RBMS3: variants seen among roughly 807,000 people sequenced by gnomAD.
RBMS3 encodes RNA-binding motif, single-stranded-interacting protein 3.
Under a neutral mutation model 66.8 loss-of-function variants are expected in RBMS3, and 27 were observed. The observed-to-expected ratio is 0.40, with a 90% CI of 0.30 to 0.56. RBMS3 has a LOEUF of 0.56. RBMS3 is among the 20% of genes least tolerant of loss of function. The pLI, the probability that RBMS3 is intolerant of heterozygous loss-of-function variation, is 0.40. For synonymous variants in RBMS3, 188 were observed against 183.0 expected (o/e 1.03, Z -0.22); for missense variants, 513 against 549.5 (o/e 0.93, Z 0.66).
At chr3:29,725,781 C>A (rs1352156509) in intron 4 of RBMS3, among the ~76,000 whole-genome samples, 1 of 152,154 alleles carries the variant, frequency 6.6e-6, no homozygotes, top group Non-Finnish European at 1.5e-5. Flanking sequence ...ACCAGATGTA[C>A]AAAGAAGAGC....
At chr3:29,444,522 A>G (rs2041745222) in intron 2 of RBMS3, among the ~76,000 whole-genome samples, 2 of 152,074 alleles carry the variant, frequency 1.3e-5, no homozygotes, top group African/African-American at 4.8e-5. Context: ...TCAGTATGGT[A>G]AAGGACAACC....
intron 1 of RBMS3, among the ~76,000 whole-genome samples, chr3:29,350,206 AAGTT>A (rs1402435111): frequency 7.9e-5 from 12 of 151,996 alleles, no homozygotes; most frequent in Non-Finnish European, 1.6e-4. Context: ...ACATTTTTGA[AAGTT>A]AGGGATTTTT....
intron 2 of RBMS3, among the ~76,000 whole-genome samples, chr3:29,455,522 T>C (rs2042156540): frequency 6.6e-6 from 1 of 152,068 alleles, no homozygotes; most frequent in Non-Finnish European, 1.5e-5. Flanking sequence ...AACTTTCTCA[T>C]CAACCAGTTA....
At chr3:29,668,908 G>A (rs942995663) in intron 4 of RBMS3, among the ~76,000 whole-genome samples, 1 of 152,190 alleles carries the variant, frequency 6.6e-6, no homozygotes, top group East Asian at 1.9e-4. Context: ...ATGTTGAAAG[G>A]TTAGATCCCT....
intron 6 of RBMS3, among the ~76,000 whole-genome samples, chr3:29,860,084 G>C (rs932480325): frequency 7.2e-5 from 11 of 152,184 alleles, no homozygotes; most frequent in African/African-American, 2.7e-4. Flanking sequence ...TTAAAGGCAT[G>C]GGTTCCAGCA....
intron 6 of RBMS3, among the ~76,000 whole-genome samples, chr3:29,796,278 T>C (rs1348168977): frequency 6.6e-6 from 1 of 152,180 alleles, no homozygotes; most frequent in Non-Finnish European, 1.5e-5. Context: ...GCTCCACTTC[T>C]AATTCTAGTT....
intron 6 of RBMS3, among the ~76,000 whole-genome samples, chr3:29,796,712 C>CTTTTT (rs71295051): frequency 0.022 from 2,540 of 115,184 alleles, 115 homozygotes; most frequent in East Asian, 0.11. Flanking sequence ...TGAAAGGAAT[C>CTTTTT]TTTTTTTTTT....
At chr3:29,514,745 G>A (rs2044554226) in intron 3 of RBMS3, among the ~76,000 whole-genome samples, 1 of 136,932 alleles carries the variant, frequency 7.3e-6, no homozygotes, top group Admixed American at 7.5e-5. Context: ...TATATGATAG[G>A]CATATATATA....
At chr3:29,935,455 T>C (rs1443244106) in intron 10 of RBMS3, among the ~76,000 whole-genome samples, 1 of 152,162 alleles carries the variant, frequency 6.6e-6, no homozygotes, top group African/African-American at 2.4e-5. Context: ...TAACAGAGTT[T>C]GGTATTCTGT....
intron 3 of RBMS3, among the ~76,000 whole-genome samples, chr3:29,555,687 T>G (rs2046334246): frequency 6.6e-6 from 1 of 152,164 alleles, no homozygotes; most frequent in Non-Finnish European, 1.5e-5. Flanking sequence ...TGTTGTGCAT[T>G]TTAACAGTGT....
At chr3:29,736,990 T>C (rs947885984) in intron 4 of RBMS3, among the ~76,000 whole-genome samples, 4 of 152,294 alleles carry the variant, frequency 2.6e-5, no homozygotes, top group Admixed American at 1.3e-4. Flanking sequence ...CAAAGTGTTT[T>C]TTTTTTGAGA....
intron 1 of RBMS3, among the ~76,000 whole-genome samples, chr3:29,351,886 C>T (rs1214440830): frequency 1.3e-5 from 2 of 151,880 alleles, no homozygotes; most frequent in East Asian, 1.9e-4. Flanking sequence ...TACACATGTA[C>T]GTGCTCATAC....
intron 6 of RBMS3, among the ~76,000 whole-genome samples, chr3:29,867,650 G>C (rs1469748177): frequency 6.6e-6 from 1 of 150,786 alleles, no homozygotes; most frequent in Admixed American, 6.6e-5. Flanking sequence ...CCCATTTCAA[G>C]CTCCTGGTCA....
intron 2 of RBMS3, among the ~76,000 whole-genome samples, chr3:29,447,760 C>T (rs542806140): frequency 5.3e-5 from 8 of 152,130 alleles, no homozygotes; most frequent in Non-Finnish European, 7.3e-5. Context: ...TGATTTTTTA[C>T]GCTGTACTGA....
intron 1 of RBMS3, among the ~76,000 whole-genome samples, chr3:29,314,983 G>T (rs1008665333): frequency 2.0e-5 from 3 of 151,540 alleles, no homozygotes; most frequent in African/African-American, 7.3e-5. Flanking sequence ...AATGACTGTG[G>T]CCATAAATAT....
rs1221824022 is a variant in RBMS3 at position 30,003,236 on chromosome 3, A to G, written c.1308-620A>G. The stretch of plus-strand genomic sequence containing the variant: ...AGTCTTTATTTGACATGAGCTAAGC[A>G]AAGTGGCATATAGTAAAATGATATT... On this transcript the variant is annotated intron_variant, in intron 14 of 14. Transcript: ENST00000383767. 2.6e-5 allele frequency among the ~76,000 whole-genome samples: 4 copies of G among 152,164 alleles called. No homozygotes were observed. In the East Asian group the frequency reaches 7.7e-4, roughly 29 times the overall value.
intron 2 of RBMS3, among the ~76,000 whole-genome samples, chr3:29,461,726 A>G (rs1357301478): frequency 6.6e-6 from 1 of 151,784 alleles, no homozygotes; most frequent in African/African-American, 2.4e-5. Context: ...TGGGTAAGAT[A>G]CTTAATTTTC....
chr3:29,611,760 A>G (rs2048500284), intron 4 of RBMS3, among the ~76,000 whole-genome samples: 1 of 152,056 alleles, frequency 6.6e-6, no homozygotes, highest in South Asian at 2.1e-4. Flanking sequence ...TAGGAAATAC[A>G]TTTCCAATGT....
intron 4 of RBMS3, among the ~76,000 whole-genome samples, chr3:29,644,216 G>A (rs2049834172): frequency 6.6e-6 from 1 of 152,052 alleles, no homozygotes. Context: ...ACAGCATAAC[G>A]CATTAGATGG....
Sources: allele counts gnomAD v4.1 joint callset (sites outside exome capture counted in the v4.1 genomes callset), GRCh38; gene constraint gnomAD v4.1.1; transcripts MANE v1.5; gene names NCBI Gene and HGNC (gene_info 2026-07-23, HGNC 2026-07-21).